The following SLC26A7 variants were observed in gnomAD, a reference collection of about 807,000 sequenced individuals.
The protein encoded by SLC26A7 is solute carrier family 26 member 7.
SLC26A7 carries 59 observed loss-of-function variants against 82.5 expected under a neutral mutation model. That is an observed-to-expected ratio of 0.72 (90% CI 0.58 to 0.89). The LOEUF (loss-of-function observed/expected upper bound fraction) is 0.89. Ranked by LOEUF, SLC26A7 falls within the 40% of genes least tolerant of loss-of-function variation. The probability of loss-of-function intolerance (pLI) is 0.00; values close to 1 mark genes in which losing one functional copy is unlikely to be tolerated. For missense variants in SLC26A7, 820 were observed against 793.0 expected, an observed-to-expected ratio of 1.03 and a Z score of -0.41; for synonymous variants, 271 against 274.3, an observed-to-expected ratio of 0.99 and a Z score of 0.12.
chr8:91,226,854 G>C (rs1810246440), intron 2 of SLC26A7, among the ~76,000 whole-genome samples: 1 of 152,214 alleles, frequency 6.6e-6, no homozygotes, highest in Non-Finnish European at 1.5e-5. Context: ...ATAATGGATA[G>C]GAACCAGTTG....
chr8:91,262,091 G>C (rs960104360), intron 2 of SLC26A7, among the ~76,000 whole-genome samples: 13 of 152,204 alleles, frequency 8.5e-5, no homozygotes, highest in African/African-American at 2.9e-4. Flanking sequence ...AGACAGAAGA[G>C]GTCTGAGAAT....
chr8:91,209,812 A>C (rs555365082), intron 1 of SLC26A7, among the ~76,000 whole-genome samples: 53 of 152,338 alleles, frequency 3.5e-4, no homozygotes, highest in Middle Eastern at 3.4e-3. Flanking sequence ...TAAGCCAAGA[A>C]GAGGAGATAT....
intron 15 of SLC26A7, among the ~76,000 whole-genome samples, chr8:91,386,472 A>T: frequency 6.6e-6 from 1 of 152,184 alleles, no homozygotes; most frequent in East Asian, 1.9e-4. Flanking sequence ...AAGTAAGTGG[A>T]TAAAAAAGGA....
At chr8:91,296,903 G>C (rs924690468) in intron 4 of SLC26A7, among the ~76,000 whole-genome samples, 56 of 152,178 alleles carry the variant, frequency 3.7e-4, no homozygotes, top group Non-Finnish European at 7.6e-4. Flanking sequence ...CTCCTTGCCT[G>C]GCCTGTATGA....
intron 2 of SLC26A7, among the ~76,000 whole-genome samples, chr8:91,221,030 C>G (rs1225934870): frequency 1.3e-5 from 2 of 152,190 alleles, no homozygotes; most frequent in South Asian, 4.1e-4. Flanking sequence ...TCACCAGCAT[C>G]TATTGTTCCC....
intron 1 of SLC26A7, chr8:91,218,868 A>G: frequency 1.4e-6 from 2 of 1,454,022 alleles, no homozygotes; most frequent in Non-Finnish European, 1.9e-6. Flanking sequence ...CCTAAATTTT[A>G]TTTTTAATCT....
At chr8:91,333,330 C>T (rs1435050175) in intron 5 of SLC26A7, among the ~76,000 whole-genome samples, 1 of 152,146 alleles carries the variant, frequency 6.6e-6, no homozygotes, top group Admixed American at 6.6e-5. Context: ...ATTATACTTT[C>T]TTCCTAGTTT....
At position 91,396,935 on chromosome 8, in the gene SLC26A7, A is replaced by G. The variant is rs575766010; in HGVS notation, c.*1838A>G. On this transcript the variant is annotated 3_prime_UTR_variant, in exon 19 of 19. Transcript: ENST00000276609. ...GTATAAATTGATATTTTGCTATGCA[A>G]CTCCTGTAATTGAATTTGTATAATG... 1 of 152,122 alleles carries G rather than the reference A, an allele frequency of 6.6e-6. No homozygotes were observed. The highest frequency in any genetic ancestry group is 1.9e-4 in the East Asian group (1 of 5,182). 9.4% of individuals were successfully genotyped at this position (152,122 alleles called of 1,614,324 possible). A position where few individuals can be genotyped will look rare whatever the true frequency, so the allele number is the denominator to read the frequency against.
chr8:91,216,937 G>A (rs903214018), intron 1 of SLC26A7, among the ~76,000 whole-genome samples: 4 of 151,916 alleles, frequency 2.6e-5, no homozygotes, highest in African/African-American at 4.8e-5. Context: ...CACCCTCCCC[G>A]AAATGTCCTT....
intron 1 of SLC26A7, among the ~76,000 whole-genome samples, chr8:91,218,202 T>C (rs1810089940): frequency 6.6e-6 from 1 of 152,182 alleles, no homozygotes; most frequent in Non-Finnish European, 1.5e-5. Flanking sequence ...TGGAAATCTT[T>C]TGGATTCTCT....
intron 2 of SLC26A7, among the ~76,000 whole-genome samples, chr8:91,225,667 T>G (rs1810227324): frequency 2.2e-5 from 3 of 137,946 alleles, no homozygotes; most frequent in South Asian, 2.4e-4. Flanking sequence ...TTTTTTTTTT[T>G]TTTTTTTTAC....
intron 2 of SLC26A7, among the ~76,000 whole-genome samples, chr8:91,229,914 A>G (rs1471166653): frequency 1.3e-5 from 2 of 152,206 alleles, no homozygotes; most frequent in Non-Finnish European, 2.9e-5. Flanking sequence ...TTTATCTGAA[A>G]TTCAAAATTA....
At chr8:91,273,006 G>A (rs573712054) in intron 2 of SLC26A7, among the ~76,000 whole-genome samples, 56 of 152,254 alleles carry the variant, frequency 3.7e-4, no homozygotes, top group African/African-American at 1.3e-3. Flanking sequence ...GAATAGATAA[G>A]TTTAGATCAG....
rs1188574226 is a variant in SLC26A7 at position 91,366,552 on chromosome 8, T to A, written c.1489-28T>A. Reference sequence around the variant, plus strand: ...ATTGGCTATAATTTTCTATTTAGAGTTCTGAATCTGTTTTTCTCCTCCAAA... The same window carrying A: ...ATTGGCTATAATTTTCTATTTAGAGATCTGAATCTGTTTTTCTCCTCCAAA... On this transcript the variant is annotated intron_variant, in intron 13 of 18. Coordinates refer to ENST00000276609, the MANE Select transcript of SLC26A7 (RefSeq NM_052832.4). 7.5e-6 allele frequency: 12 copies of A among 1,604,862 alleles called. No individual in the cohort carries two copies. In the East Asian group the frequency reaches 2.7e-4, roughly 36 times the overall value.
chr8:91,221,038 C>A (rs902032061), intron 2 of SLC26A7, among the ~76,000 whole-genome samples: 9 of 152,214 alleles, frequency 5.9e-5, no homozygotes, highest in South Asian at 4.2e-4. Flanking sequence ...ATCTATTGTT[C>A]CCTGACTTTT....
At chr8:91,274,614 T>G (rs903642953) in intron 2 of SLC26A7, among the ~76,000 whole-genome samples, 1 of 152,224 alleles carries the variant, frequency 6.6e-6, no homozygotes, top group African/African-American at 2.4e-5. Flanking sequence ...ATAACTTAAT[T>G]CTTAAAGGTC....
chr8:91,214,806 A>ATT (rs766125366), intron 1 of SLC26A7, among the ~76,000 whole-genome samples: 4 of 144,780 alleles, frequency 2.8e-5, no homozygotes, highest in South Asian at 2.2e-4. Context: ...CTTGACAGAA[A>ATT]TTTTTTTTTT....
chr8:91,385,675 A>C (rs889342677), intron 15 of SLC26A7, among the ~76,000 whole-genome samples: 8 of 152,232 alleles, frequency 5.3e-5, no homozygotes, highest in Admixed American at 1.3e-4. Context: ...AAGACGAAGC[A>C]AACATGGCAT....
chr8:91,350,838 A>T (rs1283842679), intron 9 of SLC26A7, among the ~76,000 whole-genome samples: 3 of 152,174 alleles, frequency 2.0e-5, no homozygotes, highest in Non-Finnish European at 4.4e-5. Flanking sequence ...GTCCTGAGTC[A>T]TAAGGTAAGT....
Sources: allele counts gnomAD v4.1 joint callset (sites outside exome capture counted in the v4.1 genomes callset), GRCh38; gene constraint gnomAD v4.1.1; transcripts MANE v1.5; gene names NCBI Gene and HGNC (gene_info 2026-07-23, HGNC 2026-07-21).